NAALADL2: variants seen among roughly 807,000 people sequenced by gnomAD.
NAALADL2 encodes the protein N-acetylated alpha-linked acidic dipeptidase like 2, also known as inactive N-acetylated-alpha-linked acidic dipeptidase-like protein 2.
NAALADL2 carries 76 observed loss-of-function variants against 87.2 expected under a neutral mutation model. That is an observed-to-expected ratio of 0.87 (90% CI 0.72 to 1.05). The LOEUF (loss-of-function observed/expected upper bound fraction) is 1.05, where lower values mean the gene tolerates loss of function less well. Ranked by LOEUF, NAALADL2 falls within the 50% of genes least tolerant of loss-of-function variation. The pLI is 0.00. For missense variants in NAALADL2, 1,089 were observed against 945.8 expected, an observed-to-expected ratio of 1.15 and a Z score of -1.99; for synonymous variants, 354 against 331.0, an observed-to-expected ratio of 1.07 and a Z score of -0.75.
intron 12 of NAALADL2, among the ~76,000 whole-genome samples, chr3:175,751,822 T>G (rs958198446): frequency 3.9e-5 from 6 of 152,268 alleles, no homozygotes; most frequent in African/African-American, 4.8e-5. Flanking sequence ...AAATTCACCG[T>G]GCCTTAAGTA....
intron 5 of NAALADL2, among the ~76,000 whole-genome samples, chr3:175,438,573 T>G (rs895688438): frequency 2.0e-5 from 3 of 152,106 alleles, no homozygotes; most frequent in Admixed American, 6.6e-5. Context: ...AAATCTCAGT[T>G]TTTTTCAGCT....
chr3:174,807,534 T>C (rs1719647224), intron 3 of NAALADL2, among the ~76,000 whole-genome samples: 1 of 152,170 alleles, frequency 6.6e-6, no homozygotes, highest in Non-Finnish European at 1.5e-5. Context: ...GTAATTTGCT[T>C]ATTTGACATG....
intron 2 of NAALADL2, among the ~76,000 whole-genome samples, chr3:175,180,073 A>T (rs1414733275): frequency 3.3e-5 from 5 of 151,926 alleles, no homozygotes; most frequent in Non-Finnish European, 7.4e-5. Context: ...CTGATGGGGA[A>T]CTAATAAAAG....
chr3:174,970,797 T>C (rs1218741995), intron 1 of NAALADL2, among the ~76,000 whole-genome samples: 1 of 152,204 alleles, frequency 6.6e-6, no homozygotes, highest in Non-Finnish European at 1.5e-5. Context: ...ATTTATATGG[T>C]CTCATTAACC....
intron 1 of NAALADL2, among the ~76,000 whole-genome samples, chr3:174,889,728 T>A (rs1730636006): frequency 6.6e-6 from 1 of 152,082 alleles, no homozygotes; most frequent in Non-Finnish European, 1.5e-5. Flanking sequence ...TCCTAGAAAT[T>A]CAATTGATTA....
Position 174,642,507 on chromosome 3 carries a change from TAAAA to T in NAALADL2, c.-115+91886_-115+91889del, listed in dbSNP as rs10576356. Among the ~76,000 whole-genome samples the T allele has an allele frequency of 8.2e-4, 100 of 122,534 alleles. 1 individual carries two copies. The highest frequency in any genetic ancestry group is 9.1e-4 in the East Asian group (4 of 4,386). 80.4% of individuals were successfully genotyped at this position (122,534 alleles called of 152,430 possible). ...TAGAGCAAGACTCAGTCTCTGGGGA[TAAAA>T]AAAAAAAAAAAAAAAGCATGTTGCC... On this transcript the variant is annotated intron_variant, in intron 2 of 3. Coordinates refer to the NAALADL2 transcript ENST00000434257.
intron 9 of NAALADL2, among the ~76,000 whole-genome samples, chr3:175,510,164 C>G (rs751855798): frequency 6.6e-6 from 1 of 151,902 alleles, no homozygotes; most frequent in Non-Finnish European, 1.5e-5. Context: ...GAGAAGTGTG[C>G]GAGCCGAGTG....
intron 1 of NAALADL2, among the ~76,000 whole-genome samples, chr3:174,485,704 G>T (rs571686951): frequency 6.6e-6 from 1 of 151,992 alleles, no homozygotes; most frequent in Admixed American, 6.6e-5. Context: ...ACCATTGGTG[G>T]TCACTTATTT....
At chr3:174,490,179 A>G (rs1017887109) in intron 1 of NAALADL2, among the ~76,000 whole-genome samples, 1 of 152,146 alleles carries the variant, frequency 6.6e-6, no homozygotes, top group African/African-American at 2.4e-5. Flanking sequence ...GAATGCAAGG[A>G]TAAATAAAAT....
In NAALADL2 at chr3:174,972,467, G is replaced by A. The variant is rs186823510; in HGVS notation, c.43+113017G>A. ...TTACAGATGACCACCTTCTCTCTGC[G>A]CTCTCTAGTCTTTTCTCTACACCTG... On this transcript the variant is annotated intron_variant, in intron 1 of 13. Coordinates refer to ENST00000454872, the MANE Select transcript of NAALADL2 (RefSeq NM_207015.3). Among the ~76,000 whole-genome samples the A allele has an allele frequency of 9.9e-5, 15 of 152,032 alleles. No homozygotes were observed. In the South Asian group the frequency reaches 1.0e-3, roughly 11 times the overall value.
chr3:174,914,151 C>T (rs1364918241), intron 1 of NAALADL2, among the ~76,000 whole-genome samples: 7 of 149,714 alleles, frequency 4.7e-5, no homozygotes. Context: ...CAACCTCTGC[C>T]TCCAGTGTTC....
chr3:175,373,177 T>C (rs1258195502), intron 5 of NAALADL2, among the ~76,000 whole-genome samples: 1 of 152,040 alleles, frequency 6.6e-6, no homozygotes, highest in East Asian at 1.9e-4. Flanking sequence ...GAGAAGTAAC[T>C]TAAATATAAA....
chr3:174,513,774 G>T (rs1719754694), intron 1 of NAALADL2, among the ~76,000 whole-genome samples: 1 of 152,114 alleles, frequency 6.6e-6, no homozygotes, highest in African/African-American at 2.4e-5. Context: ...TAAATATCTG[G>T]ATTTGGAGGG....
intron 9 of NAALADL2, among the ~76,000 whole-genome samples, chr3:175,517,511 G>C (rs1167209389): frequency 6.6e-6 from 1 of 151,772 alleles, no homozygotes; most frequent in Non-Finnish European, 1.5e-5. Flanking sequence ...TACATTTCAT[G>C]GCAAATTTGC....
intron 2 of NAALADL2, among the ~76,000 whole-genome samples, chr3:174,695,251 T>G (rs1225647344): frequency 6.6e-6 from 1 of 152,026 alleles, no homozygotes; most frequent in Admixed American, 6.6e-5. Flanking sequence ...ATGTTAGAAT[T>G]TTATGTAATG....
chr3:174,894,313 G>A (rs561279653), intron 1 of NAALADL2, among the ~76,000 whole-genome samples: 21 of 152,054 alleles, frequency 1.4e-4, no homozygotes, highest in South Asian at 1.0e-3. Flanking sequence ...AAATCAGGCC[G>A]GGCACAATGG....
chr3:174,627,461 A>G (rs186320929), intron 2 of NAALADL2, among the ~76,000 whole-genome samples: 4 of 152,366 alleles, frequency 2.6e-5, no homozygotes, highest in Admixed American at 2.6e-4. Flanking sequence ...GCAGAGACAA[A>G]GGAACACGTA....
At chr3:174,701,285 C>G (rs974928085) in intron 2 of NAALADL2, among the ~76,000 whole-genome samples, 4 of 151,278 alleles carry the variant, frequency 2.6e-5, no homozygotes, top group African/African-American at 9.7e-5. Context: ...TCATATGAAC[C>G]TAACACCTAG....
intron 4 of NAALADL2, among the ~76,000 whole-genome samples, chr3:175,293,404 A>ATTG (rs1755904968): frequency 1.3e-5 from 2 of 152,208 alleles, no homozygotes. Context: ...AATAGTAGCT[A>ATTG]TTGTTAGCAC....
Sources: allele counts gnomAD v4.1 joint callset (sites outside exome capture counted in the v4.1 genomes callset), GRCh38; gene constraint gnomAD v4.1.1; transcripts MANE v1.5; gene names NCBI Gene and HGNC (gene_info 2026-07-23, HGNC 2026-07-21).